C1QTNF1: variants seen among roughly 807,000 people sequenced by gnomAD.
C1QTNF1 encodes C1q and TNF related 1.
Under a neutral mutation model 27.8 loss-of-function variants are expected in C1QTNF1, and 22 were observed. The ratio of observed to expected loss-of-function variants is 0.79; its 90% confidence interval spans 0.56 to 1.13. C1QTNF1 has a LOEUF of 1.13. Among genes scored for constraint, C1QTNF1 ranks in the 50% most tolerant of loss-of-function variants. The probability of loss-of-function intolerance (pLI) is 0.00; values close to 1 mark genes in which losing one functional copy is unlikely to be tolerated. For missense variants in C1QTNF1, 373 were observed against 380.2 expected, an observed-to-expected ratio of 0.98 and a Z score of 0.16; for synonymous variants, 166 against 154.3, an observed-to-expected ratio of 1.08 and a Z score of -0.56.
intron 1 of C1QTNF1, among the ~76,000 whole-genome samples, chr17:79,041,393 G>C (rs972123538): frequency 6.6e-6 from 1 of 152,222 alleles, no homozygotes; most frequent in East Asian, 1.9e-4. Context: ...CACCTCGGAG[G>C]CTCTATCGGG....
Position 79,046,744 on chromosome 17 carries a change from G to C in C1QTNF1, c.295+50G>C. 1 of 1,607,288 alleles carries C rather than the reference G, an allele frequency of 6.2e-7. No homozygotes were observed. Among genetic ancestry groups the C allele is most frequent in the African/African-American group, 1.3e-5 (1 of 74,900 alleles). On this transcript the variant is annotated intron_variant, in intron 3 of 3. Coordinates refer to ENST00000579760, the MANE Select transcript of C1QTNF1 (RefSeq NM_030968.5). The surrounding 1 kb of genome is among the most constrained non-coding windows in gnomAD (Gnocchi z 4.8). The stretch of plus-strand genomic sequence containing the variant: ...CGGGGTGGCCGGGCTGCTCTGTGCT[G>C]ATCCGGAGGAAGGGATGGAGTCGTT...
In C1QTNF1 at chr17:79,046,415, G is replaced by C; in HGVS notation, c.156-140G>C. ...CCCAGAGTGGGCCGTGAGCCCACCA[G>C]CGTGAACACAGAGCCTTGTGGGTCC... is the stretch of plus-strand genomic sequence containing the variant. On this transcript the variant is annotated intron_variant, in intron 2 of 3. Transcript: ENST00000579760. The surrounding 1 kb of genome is among the most constrained non-coding windows in gnomAD (Gnocchi z 4.8). 1 of 1,197,398 alleles carries C rather than the reference G, an allele frequency of 8.4e-7. No individual in the cohort carries two copies. Among genetic ancestry groups the C allele is most frequent in the South Asian group, 1.4e-5 (1 of 71,144 alleles). The allele number at this position is 1,197,398 out of a possible 1,614,324, so 74.2% of individuals were successfully genotyped here.
chr17:79,048,789 CT>C lies in C1QTNF1; in HGVS notation c.*702del, dbSNP rs1303109480. The C allele has an allele frequency of 6.6e-6, 1 of 152,214 alleles. No individual in the cohort carries two copies. Among genetic ancestry groups the C allele is most frequent in the Non-Finnish European group, 1.5e-5 (1 of 68,044 alleles). The allele number at this position is 152,214 out of a possible 1,614,324, so 9.4% of individuals were successfully genotyped here. A position where few individuals can be genotyped will look rare whatever the true frequency, so the allele number is the denominator to read the frequency against. On this transcript the variant is annotated 3_prime_UTR_variant, in exon 4 of 4. Coordinates refer to ENST00000579760, the MANE Select transcript of C1QTNF1 (RefSeq NM_030968.5). ...CCTCCCAGAGGGACAGCTGAGCCCC[CT>C]GCCTTGGCTCCAGGTTGGTAGAAGC...
rs2145939398 is a variant in C1QTNF1 at position 79,048,372 on chromosome 17, G to A, written c.*284G>A. 5.5e-6 allele frequency: 2 copies of A among 363,890 alleles called. No individual in the cohort carries two copies. Among genetic ancestry groups the A allele is most frequent in the Non-Finnish European group, 9.8e-6 (2 of 203,732 alleles). 22.5% of individuals were successfully genotyped at this position (363,890 alleles called of 1,614,324 possible). On this transcript the variant is annotated 3_prime_UTR_variant, in exon 4 of 4. Coordinates refer to ENST00000579760, the MANE Select transcript of C1QTNF1 (RefSeq NM_030968.5). ...CAAGTGACCCCGCACGGCGAGACGC[G>A]GGTGGCGGCAGGGCGTCCCAGGGTG... is the stretch of plus-strand genomic sequence containing the variant.
intron 2 of C1QTNF1, among the ~76,000 whole-genome samples, chr17:79,045,041 T>A (rs981489626): frequency 1.5e-5 from 2 of 134,250 alleles, no homozygotes; most frequent in African/African-American, 8.0e-5. Context: ...GATAGACACA[T>A]GAGAGACAGG....
At chr17:79,027,227 C>G (rs932692870) in intron 1 of C1QTNF1, 1 of 152,204 alleles carries the variant, frequency 6.6e-6, no homozygotes, top group Non-Finnish European at 1.5e-5. Context: ...TAGAGATGTT[C>G]AAGTGGGGGC....
chr17:79,038,422 C>T (rs2072317781), intron 1 of C1QTNF1, among the ~76,000 whole-genome samples: 1 of 152,126 alleles, frequency 6.6e-6, no homozygotes, highest in African/African-American at 2.4e-5. Context: ...GGGAGAAGGT[C>T]AGGTGTAGGT....
rs113221564 is a variant in C1QTNF1 at position 79,043,561 on chromosome 17, A to G, written c.-14-394A>G. On this transcript the variant is annotated intron_variant, in intron 1 of 3. Coordinates refer to ENST00000579760, the MANE Select transcript of C1QTNF1 (RefSeq NM_030968.5). Reference sequence around the variant, plus strand: ...TTCATTGTTGAGACTGTGCATGTGTATTGTGTGTACATGTGTGTGGATTAC... The same window carrying G: ...TTCATTGTTGAGACTGTGCATGTGTGTTGTGTGTACATGTGTGTGGATTAC... 2,525 of 433,312 alleles carry G rather than the reference A, an allele frequency of 5.8e-3. 66 individuals carry two copies. Among genetic ancestry groups the G allele is most frequent in the African/African-American group, 0.046 (2,280 of 49,286 alleles). 26.8% of individuals were successfully genotyped at this position (433,312 alleles called of 1,614,324 possible). A position where few individuals can be genotyped will look rare whatever the true frequency, so the allele number is the denominator to read the frequency against.
chr17:79,035,435 AT>A (rs11326108), intron 1 of C1QTNF1, among the ~76,000 whole-genome samples: 39,111 of 142,806 alleles, frequency 0.27, 5,828 homozygotes, highest in East Asian at 0.56. Flanking sequence ...GCTGAATCGT[AT>A]TTTTTTTTTT....
chr17:79,041,197 G>GA (rs2072398146), intron 1 of C1QTNF1, among the ~76,000 whole-genome samples: 1 of 152,186 alleles, frequency 6.6e-6, no homozygotes, highest in Non-Finnish European at 1.5e-5. Context: ...TTGGTCATTG[G>GA]GACGGTCTCT....
intron 2 of C1QTNF1, among the ~76,000 whole-genome samples, chr17:79,045,412 T>C (rs1167214199): frequency 2.0e-5 from 3 of 152,024 alleles, no homozygotes; most frequent in Non-Finnish European, 4.4e-5. Flanking sequence ...AAAGCTTGAA[T>C]TGGACGGTGT....
At chr17:79,038,338 T>C (rs143340041) in intron 1 of C1QTNF1, among the ~76,000 whole-genome samples, 14 of 152,318 alleles carry the variant, frequency 9.2e-5, no homozygotes, top group African/African-American at 3.4e-4. Flanking sequence ...CCTGTCCTCC[T>C]CTACGTCCTG....
In C1QTNF1 at chr17:79,048,406, C is replaced by T. The variant is rs753605524; in HGVS notation, c.*318C>T. ...CAGGGCGTCCCAGGGTGCGGCACCG[C>T]GGCTCCAGTCCTTGGAAATAATTAG... is the stretch of plus-strand genomic sequence containing the variant. On this transcript the variant is annotated 3_prime_UTR_variant, in exon 4 of 4. Transcript: ENST00000579760. The T allele has an allele frequency of 2.9e-4, 89 of 306,860 alleles. No individual in the cohort carries two copies. The highest frequency in any genetic ancestry group is 3.8e-4 in the Non-Finnish European group (64 of 167,592). 19.0% of individuals were successfully genotyped at this position (306,860 alleles called of 1,614,324 possible).
chr17:79,023,395 C>A (rs971693588), upstream of C1QTNF1, among the ~76,000 whole-genome samples: 3 of 152,170 alleles, frequency 2.0e-5, no homozygotes, highest in African/African-American at 7.2e-5. Flanking sequence ...AGACTGGGTC[C>A]CAACCAGGGC....
rs544783973 is a variant in C1QTNF1, at chr17:79,043,947, C to T, written c.-14-8C>T. On this transcript the variant is annotated splice_region_variant and splice_polypyrimidine_tract_variant and intron_variant, in intron 1 of 3. Coordinates refer to ENST00000579760, the MANE Select transcript of C1QTNF1 (RefSeq NM_030968.5). The stretch of plus-strand genomic sequence containing the variant: ...CGGTGCCTTCCCTGTGTGTTTCTTT[C>T]CCACCAGGGCCCGGCAGGAAGATGG... 16 of 1,613,612 alleles carry T rather than the reference C, an allele frequency of 9.9e-6. No homozygotes were observed. Among genetic ancestry groups the T allele is most frequent in the Admixed American group, 8.3e-5 (5 of 60,026 alleles).
intron 2 of C1QTNF1, among the ~76,000 whole-genome samples, chr17:79,045,737 A>G (rs1392079443): frequency 6.6e-6 from 1 of 152,154 alleles, no homozygotes; most frequent in African/African-American, 2.4e-5. Flanking sequence ...CATACATGAC[A>G]TCTGTGGGGC....
At chr17:79,035,282 G>T (rs571570496) in intron 1 of C1QTNF1, among the ~76,000 whole-genome samples, 2 of 152,258 alleles carry the variant, frequency 1.3e-5, no homozygotes, top group Admixed American at 6.5e-5. Flanking sequence ...TCAGAGCCGA[G>T]GGGGAGTGGA....
intron 1 of C1QTNF1, among the ~76,000 whole-genome samples, chr17:79,025,290 G>A (rs1568057279): frequency 6.6e-6 from 1 of 152,088 alleles, no homozygotes; most frequent in Admixed American, 6.5e-5. Flanking sequence ...GCCAATACCC[G>A]GGCCACACTC....
intron 1 of C1QTNF1, among the ~76,000 whole-genome samples, chr17:79,042,433 A>G (rs1177901890): frequency 6.6e-6 from 1 of 151,442 alleles, no homozygotes; most frequent in African/African-American, 2.5e-5. Context: ...GCTTTTGCCA[A>G]AAGCTCTGGG....
Sources: allele counts gnomAD v4.1 joint callset (sites outside exome capture counted in the v4.1 genomes callset), GRCh38; gene constraint gnomAD v4.1.1; non-coding constraint Gnocchi (gnomAD v3.1); transcripts MANE v1.5; gene names NCBI Gene and HGNC (gene_info 2026-07-23, HGNC 2026-07-21).